The following NRG3 variants were observed in gnomAD, a reference collection of about 807,000 sequenced individuals.
NRG3 encodes neuregulin 3, also known as pro-neuregulin-3, membrane-bound isoform.
A neutral mutation model predicts 66.9 loss-of-function variants in NRG3; 31 were observed. The observed-to-expected ratio is 0.46, with a 90% CI of 0.35 to 0.63. The LOEUF is 0.63. Among genes scored for constraint, NRG3 ranks in the 20% least tolerant of loss-of-function variants. NRG3 has a pLI of 0.00. For missense variants in NRG3, 910 were observed against 878.9 expected (o/e 1.04, Z -0.45); for synonymous variants, 393 against 359.4 (o/e 1.09, Z -1.06).
intron 1 of NRG3, among the ~76,000 whole-genome samples, chr10:82,064,375 A>C: frequency 6.6e-6 from 1 of 151,612 alleles, no homozygotes; most frequent in East Asian, 1.9e-4. Context: ...TATATATAAA[A>C]ATAATATATT....
At chr10:82,122,023 A>G (rs2068123558) in intron 1 of NRG3, among the ~76,000 whole-genome samples, 1 of 152,072 alleles carries the variant, frequency 6.6e-6, no homozygotes, top group African/African-American at 2.4e-5. Flanking sequence ...TCCTAGCAGT[A>G]TGACCTTGAG....
At chr10:82,698,366 C>T (rs1374067712) in intron 2 of NRG3, among the ~76,000 whole-genome samples, 3 of 151,946 alleles carry the variant, frequency 2.0e-5, no homozygotes, top group African/African-American at 4.8e-5. Flanking sequence ...TTACACAAGA[C>T]GATATGAGTA....
chr10:82,884,764 A>G (rs1294334267), intron 4 of NRG3, among the ~76,000 whole-genome samples: 3 of 152,242 alleles, frequency 2.0e-5, no homozygotes, highest in Non-Finnish European at 4.4e-5. Flanking sequence ...CTGCAAAGAC[A>G]TGAATGATGT....
chr10:82,432,326 TGTGA>T (rs1053142632), intron 2 of NRG3, among the ~76,000 whole-genome samples: 8 of 152,112 alleles, frequency 5.3e-5, no homozygotes, highest in African/African-American at 1.9e-4. Flanking sequence ...AGCTCTCACA[TGTGA>T]GTGAGAACAT....
chr10:82,571,829 A>T (rs1487404510), intron 2 of NRG3, among the ~76,000 whole-genome samples: 2 of 151,736 alleles, frequency 1.3e-5, no homozygotes, highest in African/African-American at 4.8e-5. Flanking sequence ...TTGTATAAAT[A>T]AAAATGTATA....
chr10:82,738,920 G>C (rs2058287046), intron 3 of NRG3, among the ~76,000 whole-genome samples: 1 of 152,070 alleles, frequency 6.6e-6, no homozygotes. Context: ...CTTTCCTTCT[G>C]CCCAGCCACG....
At chr10:82,918,905 T>G (rs116732615) in intron 4 of NRG3, among the ~76,000 whole-genome samples, 1 of 152,138 alleles carries the variant, frequency 6.6e-6, no homozygotes, top group African/African-American at 2.4e-5. Flanking sequence ...CATTGTTTAG[T>G]TGGAATTCAA....
chr10:82,442,692 A>G (rs537693586), intron 2 of NRG3, among the ~76,000 whole-genome samples: 14 of 151,176 alleles, frequency 9.3e-5, no homozygotes, highest in African/African-American at 3.2e-4. Context: ...CTACACATTT[A>G]TCAAATTCAT....
intron 1 of NRG3, among the ~76,000 whole-genome samples, chr10:81,931,298 T>C (rs1847325839): frequency 1.3e-5 from 2 of 152,314 alleles, no homozygotes; most frequent in African/African-American, 2.4e-5. Flanking sequence ...CAAGGGATCA[T>C]GAATATCAAA....
intron 2 of NRG3, among the ~76,000 whole-genome samples, chr10:82,692,174 ACCCAGGAGG>A (rs1253518536): frequency 6.6e-6 from 1 of 150,838 alleles, no homozygotes; most frequent in Non-Finnish European, 1.5e-5. Context: ...AATCGCTTGA[ACCCAGGAGG>A]CAGAGGTTGC....
intron 1 of NRG3, among the ~76,000 whole-genome samples, chr10:82,005,277 T>A (rs559309705): frequency 1.3e-5 from 2 of 152,360 alleles, no homozygotes; most frequent in East Asian, 3.9e-4. Flanking sequence ...TACATTTCTC[T>A]GCAAATATAG....
At chr10:82,278,395 G>A (rs1331888751) in intron 1 of NRG3, among the ~76,000 whole-genome samples, 1 of 152,056 alleles carries the variant, frequency 6.6e-6, no homozygotes, top group Non-Finnish European at 1.5e-5. Flanking sequence ...GGCTCCTATA[G>A]CTATAGGGGA....
intron 3 of NRG3, among the ~76,000 whole-genome samples, chr10:82,760,272 A>G (rs1382508699): frequency 6.6e-6 from 1 of 152,166 alleles, no homozygotes; most frequent in Non-Finnish European, 1.5e-5. Flanking sequence ...CCAAAAGCAC[A>G]TCTGGTCTCT....
chr10:82,489,810 G>A (rs1406095591), intron 2 of NRG3, among the ~76,000 whole-genome samples: 2 of 152,108 alleles, frequency 1.3e-5, no homozygotes, highest in Admixed American at 6.5e-5. Context: ...CTCATTTCAA[G>A]ATGAAGATGC....
chr10:82,191,917 G>A (rs1204837467), intron 1 of NRG3, among the ~76,000 whole-genome samples: 1 of 152,108 alleles, frequency 6.6e-6, no homozygotes, highest in Non-Finnish European at 1.5e-5. Context: ...CTGGCCCTGC[G>A]GTTGAGGGTT....
chr10:81,877,830 T>A lies in NRG3; in HGVS notation c.823+1667T>A, dbSNP rs1841812620. On this transcript the variant is annotated intron_variant, in intron 1 of 8. Coordinates refer to ENST00000372141, the MANE Select transcript of NRG3 (RefSeq NM_001010848.4). ...GTGTTTAGAGCCTCCACTCAACAAA[T>A]CTAGCTTGTGTTTTGTAGAAGGATA... 1.0e-5 allele frequency: 15 copies of A among 1,449,790 alleles called. No homozygotes were observed. The East Asian group carries it at 4.0e-4, about 38-fold the overall frequency. The allele number at this position is 1,449,790 out of a possible 1,614,324, so 89.8% of individuals were successfully genotyped here. A position where few individuals can be genotyped will look rare whatever the true frequency, so the allele number is the denominator to read the frequency against.
chr10:82,683,207 G>A (rs1008569673), intron 2 of NRG3, among the ~76,000 whole-genome samples: 6 of 151,854 alleles, frequency 4.0e-5, no homozygotes, highest in Non-Finnish European at 8.8e-5. Context: ...CACCCGCCTC[G>A]GCCTCCCAAA....
chr10:82,223,670 CACACACACACACAT>C (rs1444852158), intron 1 of NRG3, among the ~76,000 whole-genome samples: 8 of 151,214 alleles, frequency 5.3e-5, no homozygotes, highest in South Asian at 2.1e-4. Context: ...CACACACACA[CACACACACACACAT>C]ACACACCACC....
At chr10:82,588,048 C>T (rs973879073) in intron 2 of NRG3, among the ~76,000 whole-genome samples, 12 of 152,164 alleles carry the variant, frequency 7.9e-5, no homozygotes, top group African/African-American at 2.9e-4. Flanking sequence ...GAATTGAGAG[C>T]TGCTGGGTTC....
Sources: gnomAD v4.1 joint callset for allele counts (sites outside exome capture counted in the v4.1 genomes callset) on GRCh38, gnomAD v4.1.1 for gene constraint, MANE v1.5 for transcripts, NCBI Gene and HGNC (gene_info 2026-07-23, HGNC 2026-07-21) for gene names.